The following SOX5 variants were observed in gnomAD, a reference collection of about 807,000 sequenced individuals.
SOX5 encodes the protein transcription factor SOX-5.
In SOX5, 9 loss-of-function variants were observed where a neutral mutation model predicts 92.0. The observed-to-expected ratio is 0.10, with a 90% CI of 0.06 to 0.17. The LOEUF (loss-of-function observed/expected upper bound fraction) is 0.17. Ranked by LOEUF, SOX5 falls within the 10% of genes least tolerant of loss-of-function variation. The probability of loss-of-function intolerance (pLI) is 1.00; values close to 1 mark genes in which losing one functional copy is unlikely to be tolerated. For synonymous variants in SOX5, 344 were observed against 336.3 expected, an observed-to-expected ratio of 1.02 and a Z score of -0.25; for missense variants, 642 against 944.5, an observed-to-expected ratio of 0.68 and a Z score of 4.20.
At chr12:24,392,812 C>G (rs934369678) in intron 1 of SOX5, among the ~76,000 whole-genome samples, 2 of 151,912 alleles carry the variant, frequency 1.3e-5, no homozygotes, top group East Asian at 1.9e-4. Context: ...AATGAGTACC[C>G]CAAAGGAACA....
At chr12:24,062,701 A>G (rs1304588847) in intron 4 of SOX5, among the ~76,000 whole-genome samples, 16 of 152,238 alleles carry the variant, frequency 1.1e-4, no homozygotes. Flanking sequence ...ATACTAAGTT[A>G]TAAGAAAATA....
At chr12:23,809,505 G>A (rs7969590) in intron 3 of SOX5, among the ~76,000 whole-genome samples, 87,488 of 151,400 alleles carry the variant, frequency 0.58, 25,464 homozygotes, top group East Asian at 0.84. Flanking sequence ...AAATTATGTG[G>A]CTGATACATT....
intron 2 of SOX5, among the ~76,000 whole-genome samples, chr12:24,291,377 A>T (rs1284200696): frequency 6.6e-6 from 1 of 152,254 alleles, no homozygotes; most frequent in Non-Finnish European, 1.5e-5. Flanking sequence ...TAAATTGTTT[A>T]AATGGTACAG....
intron 4 of SOX5, among the ~76,000 whole-genome samples, chr12:23,974,830 T>G (rs1209374006): frequency 6.6e-6 from 1 of 151,862 alleles, no homozygotes; most frequent in Non-Finnish European, 1.5e-5. Flanking sequence ...GTGGGGAGAA[T>G]TAGAATAAAT....
rs114461612 is a variant in SOX5 at position 24,226,202 on chromosome 12, A to G, written c.-76-12785T>C. Among the ~76,000 whole-genome samples the G allele has an allele frequency of 3.7e-3, 562 of 152,296 alleles. 5 individuals are homozygous for G. Among genetic ancestry groups the G allele is most frequent in the African/African-American group, 0.013 (529 of 41,568 alleles). The stretch of plus-strand genomic sequence containing the variant: ...ATGGTTCAAAAAAAAACTATGTAAG[A>G]TAACTCTGGACTCACTTCCATCCCC... On this transcript the variant is annotated intron_variant, in intron 3 of 4. Transcript: ENST00000446891.
At chr12:24,265,969 T>C (rs1942945271) in intron 3 of SOX5, among the ~76,000 whole-genome samples, 1 of 152,012 alleles carries the variant, frequency 6.6e-6, no homozygotes, top group Non-Finnish European at 1.5e-5. Flanking sequence ...GGCATGATCA[T>C]GGCTCACTGC....
At chr12:24,350,612 G>A (rs1414218996) in intron 2 of SOX5, among the ~76,000 whole-genome samples, 1 of 152,156 alleles carries the variant, frequency 6.6e-6, no homozygotes, top group African/African-American at 2.4e-5. Context: ...CCTTAGTGCT[G>A]AGACTACAGG....
chr12:24,176,977 GTTTTTTT>G (rs11295163), intron 4 of SOX5, among the ~76,000 whole-genome samples: 1 of 135,102 alleles, frequency 7.4e-6, no homozygotes, highest in Admixed American at 7.2e-5. Context: ...TTTGTTTTTT[GTTTTTTT>G]TTTTTTTTTT....
At chr12:23,938,962 C>G (rs918624643) in intron 1 of SOX5, among the ~76,000 whole-genome samples, 2 of 150,962 alleles carry the variant, frequency 1.3e-5, no homozygotes, top group African/African-American at 2.4e-5. Flanking sequence ...AAGTGCTGAT[C>G]ATTTTACATT....
At chr12:23,981,109 T>C (rs1949531927) in intron 4 of SOX5, among the ~76,000 whole-genome samples, 1 of 152,146 alleles carries the variant, frequency 6.6e-6, no homozygotes, top group African/African-American at 2.4e-5. Flanking sequence ...TATATCTATA[T>C]GGTAGGGACT....
chr12:24,269,390 A>G (rs1354571104), intron 3 of SOX5, among the ~76,000 whole-genome samples: 2 of 152,198 alleles, frequency 1.3e-5, no homozygotes, highest in Non-Finnish European at 2.9e-5. Flanking sequence ...AAATATACTG[A>G]CACCAATGGT....
intron 4 of SOX5, among the ~76,000 whole-genome samples, chr12:23,968,669 A>G (rs1947872669): frequency 6.6e-6 from 1 of 152,176 alleles, no homozygotes; most frequent in South Asian, 2.1e-4. Flanking sequence ...TTCATTATAC[A>G]TTATCCAGTC....
At position 23,741,047 on chromosome 12, in the gene SOX5, T is replaced by G. The variant is rs1487110148; in HGVS notation, c.569-8A>C. On this transcript the variant is annotated splice_polypyrimidine_tract_variant and splice_region_variant and intron_variant, in intron 4 of 14. Transcript: ENST00000451604. ...CTAAGCTCTCGGGAGTCCCTACAAA[T>G]CATATAGCAATAAAACAGACAAAAT... 6.4e-7 allele frequency: 1 copy of G among 1,571,308 alleles called. No homozygotes were observed. The highest frequency in any genetic ancestry group is 1.8e-5 in the Admixed American group (1 of 54,688).
chr12:24,339,144 C>G (rs986280209), intron 2 of SOX5, among the ~76,000 whole-genome samples: 4 of 130,808 alleles, frequency 3.1e-5, no homozygotes, highest in African/African-American at 1.1e-4. Context: ...CTCTGTTTCT[C>G]TCTCTCTCTC....
At chr12:23,770,131 T>C (rs1778292908) in intron 3 of SOX5, among the ~76,000 whole-genome samples, 1 of 151,880 alleles carries the variant, frequency 6.6e-6, no homozygotes, top group African/African-American at 2.4e-5. Flanking sequence ...TGCTTCATTT[T>C]CCTTTGTCCT....
intron 3 of SOX5, among the ~76,000 whole-genome samples, chr12:23,828,059 T>C (rs994544715): frequency 6.6e-6 from 1 of 152,218 alleles, no homozygotes; most frequent in Admixed American, 6.5e-5. Context: ...AGACCACGTA[T>C]ACATCAGGGG....
intron 1 of SOX5, among the ~76,000 whole-genome samples, chr12:24,442,504 T>A (rs1321790647): frequency 6.6e-6 from 1 of 152,142 alleles, no homozygotes; most frequent in African/African-American, 2.4e-5. Flanking sequence ...GAGATTGTCA[T>A]AGGGCCAGGG....
intron 3 of SOX5, among the ~76,000 whole-genome samples, chr12:24,249,576 A>G (rs1939611520): frequency 6.6e-6 from 1 of 152,198 alleles, no homozygotes; most frequent in South Asian, 2.1e-4. Flanking sequence ...AACTTTACTC[A>G]TCATTACATA....
intron 2 of SOX5, among the ~76,000 whole-genome samples, chr12:23,880,679 G>A (rs1463093008): frequency 6.6e-6 from 1 of 152,054 alleles, no homozygotes; most frequent in African/African-American, 2.4e-5. Context: ...TCTATATAAG[G>A]CACAACCCCC....
Sources: gnomAD v4.1 joint callset for allele counts (sites outside exome capture counted in the v4.1 genomes callset) on GRCh38, gnomAD v4.1.1 for gene constraint, MANE v1.5 for transcripts, NCBI Gene and HGNC (gene_info 2026-07-23, HGNC 2026-07-21) for gene names.